PXDN: variants seen among roughly 807,000 people sequenced by gnomAD.
PXDN encodes the protein peroxidasin homolog.
Under a neutral mutation model 140.3 loss-of-function variants are expected in PXDN, and 77 were observed. The observed-to-expected ratio is 0.55, with a 90% CI of 0.46 to 0.66. The LOEUF (loss-of-function observed/expected upper bound fraction) is 0.66, where lower values mean the gene tolerates loss of function less well. PXDN is among the 30% of genes least tolerant of loss of function. PXDN has a pLI of 0.00. For missense variants in PXDN, 1,838 were observed against 2,039.5 expected, an observed-to-expected ratio of 0.90 and a Z score of 1.90; for synonymous variants, 911 against 857.4, an observed-to-expected ratio of 1.06 and a Z score of -1.09.
intron 1 of PXDN, among the ~76,000 whole-genome samples, chr2:1,719,353 C>T (rs1047639253): frequency 1.3e-5 from 2 of 152,190 alleles, no homozygotes; most frequent in Admixed American, 6.5e-5. Context: ...CCAGGCCCTC[C>T]TGGGTCTGTG....
chr2:1,662,632 A>G (rs1416768100), intron 12 of PXDN, among the ~76,000 whole-genome samples: 1 of 152,202 alleles, frequency 6.6e-6, no homozygotes, highest in Admixed American at 6.5e-5. Context: ...AAAGAGCAGG[A>G]GCGTGGCTGA....
intron 21 of PXDN, 122 bp from the exon 22 acceptor site, chr2:1,635,643 AT>A: frequency 1.2e-6 from 1 of 806,218 alleles, no homozygotes; most frequent in Non-Finnish European, 2.1e-6. Flanking sequence ...TGAGGGGAAT[AT>A]TTCTGAAGAA....
chr2:1,703,465 A>AACTCCAGGTGAAGGGGGGG (rs1684497384), intron 1 of PXDN, among the ~76,000 whole-genome samples: 2 of 16,820 alleles, frequency 1.2e-4, no homozygotes, highest in African/African-American at 6.1e-4. Flanking sequence ...TGAAGGAGAG[A>AACTCCAGGTGAAGGGGGGG]CAACTCCAGG....
chr2:1,710,004 C>T (rs1684714271), intron 1 of PXDN, among the ~76,000 whole-genome samples: 1 of 152,216 alleles, frequency 6.6e-6, no homozygotes, highest in Non-Finnish European at 1.5e-5. Flanking sequence ...GCAAACAGCA[C>T]ACACTGTCTC....
At chr2:1,744,727 T>C (rs1369269009), upstream of PXDN, 2 of 287,448 alleles carry the variant, frequency 7.0e-6, no homozygotes, top group Non-Finnish European at 1.3e-5. Flanking sequence ...AGGAGAGCAT[T>C]GGCACCCCTG....
chr2:1,658,880 G>A (rs1683237592), intron 14 of PXDN, among the ~76,000 whole-genome samples: 1 of 151,750 alleles, frequency 6.6e-6, no homozygotes, highest in Non-Finnish European at 1.5e-5. Context: ...GCAGGCGAGT[G>A]CTGACCACCT....
Position 1,635,537 on chromosome 2 carries a change from G to T in PXDN, c.4207-16C>A. ...GTTTCTTTATCTGCAGCAATGCAAA[G>T]AACATTCATTCATTGGGCACTTCAG... is the stretch of plus-strand genomic sequence containing the variant. On this transcript the variant is annotated splice_polypyrimidine_tract_variant and intron_variant, in intron 21 of 22. Transcript: ENST00000252804. 1 of 1,550,584 alleles carries T rather than the reference G, an allele frequency of 6.4e-7. No homozygotes were observed. The highest frequency in any genetic ancestry group is 8.8e-7 in the Non-Finnish European group (1 of 1,139,396).
chr2:1,738,929 C>T (rs10204174), intron 1 of PXDN, among the ~76,000 whole-genome samples: 110,952 of 152,094 alleles, frequency 0.73, 40,715 homozygotes, highest in East Asian at 0.95. Context: ...TGTTTACAGA[C>T]TTAATTTTGA....
Position 1,634,039 on chromosome 2 carries a change from G to T in PXDN, c.*165C>A. On this transcript the variant is annotated 3_prime_UTR_variant, in exon 23 of 23. Coordinates refer to ENST00000252804, the MANE Select transcript of PXDN (RefSeq NM_012293.3). ...TGCCTCCTTCTCCGCAGATGCTCTG[G>T]TTGGAAGCCTCCTGCACTGCCTTCT... 9.3e-7 allele frequency: 1 copy of T among 1,074,028 alleles called. No individual in the cohort carries two copies. Among genetic ancestry groups the T allele is most frequent in the Non-Finnish European group, 1.3e-6 (1 of 779,636 alleles). The allele number at this position is 1,074,028 out of a possible 1,614,324, so 66.5% of individuals were successfully genotyped here. A position where few individuals can be genotyped will look rare whatever the true frequency, so the allele number is the denominator to read the frequency against.
In PXDN at chr2:1,648,482, T is replaced by C; in HGVS notation, c.3298A>G (p.Lys1100Glu). ...ATCCGGAAGGGAGAGAAGAAAGCTT[T>C]GTGAAGGGGGAGGTGATCTTGTGCA... ...PIAQDHLPLH[K>E]AFFSPFRIVN... is the part of the protein sequence containing the mutation. The change falls in exon 17 of 23, where the codon AAA becomes GAA. Residue 1100 changes from lysine to glutamate, a missense_variant. Lys to Glu is a moderately conservative substitution (Grantham distance 56). This residue lies in a region of PXDN where 850 missense variants were observed against 894.1 expected (regional missense o/e 0.95). Transcript: ENST00000252804. The surrounding 1 kb of genome is among the most constrained non-coding windows in gnomAD (Gnocchi z 8.9). 6.2e-7 allele frequency: 1 copy of C among 1,611,482 alleles called. No individual in the cohort carries two copies. The highest frequency in any genetic ancestry group is 2.2e-5 in the East Asian group (1 of 44,862).
At chr2:1,677,382 G>A (rs986261566) in intron 7 of PXDN, among the ~76,000 whole-genome samples, 2 of 152,182 alleles carry the variant, frequency 1.3e-5, no homozygotes, top group African/African-American at 2.4e-5. Flanking sequence ...GATACGCCAC[G>A]GGTCGCTATT....
At chr2:1,671,416 T>A (rs1014868653) in intron 9 of PXDN, among the ~76,000 whole-genome samples, 2 of 152,152 alleles carry the variant, frequency 1.3e-5, no homozygotes, top group East Asian at 1.9e-4. Context: ...ATTTTTTTTT[T>A]AAATTTCTAG....
chr2:1,730,515 G>A (rs1436817928), intron 1 of PXDN, among the ~76,000 whole-genome samples: 1 of 152,190 alleles, frequency 6.6e-6, no homozygotes, highest in Non-Finnish European at 1.5e-5. Flanking sequence ...TAAACAGGAA[G>A]AGCCGGGGCT....
intron 1 of PXDN, among the ~76,000 whole-genome samples, chr2:1,723,154 C>A (rs570039667): frequency 6.8e-6 from 1 of 147,920 alleles, no homozygotes; most frequent in Admixed American, 6.7e-5. Flanking sequence ...GGATGGCTGA[C>A]TGGAAAATGG....
intron 1 of PXDN, among the ~76,000 whole-genome samples, chr2:1,730,317 G>A (rs918440408): frequency 1.3e-4 from 20 of 152,222 alleles, no homozygotes; most frequent in African/African-American, 4.6e-4. Flanking sequence ...ACAGCTTGTG[G>A]AGAAAAAGCT....
Position 1,639,021 on chromosome 2 carries a change from C to T in PXDN, c.4074-43G>A, listed in dbSNP as rs370071546. 1 of 1,606,244 alleles carries T rather than the reference C, an allele frequency of 6.2e-7. No homozygotes were observed. The highest frequency in any genetic ancestry group is 1.3e-5 in the African/African-American group (1 of 74,658). Reference sequence around the variant, plus strand: ...GAGGAGGAGGGAAATATAACCTTGGCAGGTCACGCCGGGTCTCATTTCAAG... The same window carrying T: ...GAGGAGGAGGGAAATATAACCTTGGTAGGTCACGCCGGGTCTCATTTCAAG... On this transcript the variant is annotated intron_variant, in intron 20 of 22. Transcript: ENST00000252804. The surrounding 1 kb of genome is among the most constrained non-coding windows in gnomAD (Gnocchi z 5.0).
At chr2:1,730,844 GCTGAAACCATT>G (rs1365050483) in intron 1 of PXDN, among the ~76,000 whole-genome samples, 1 of 151,780 alleles carries the variant, frequency 6.6e-6, no homozygotes, top group Non-Finnish European at 1.5e-5. Context: ...GGTTCCAGTC[GCTGAAACCATT>G]CTACCCTTAG....
intron 13 of PXDN, 84 bp from the exon 14 acceptor site, chr2:1,661,121 C>A: frequency 6.6e-7 from 1 of 1,512,560 alleles, no homozygotes; most frequent in Non-Finnish European, 9.0e-7. Flanking sequence ...GGAGGGGAGC[C>A]ATTTGTTAGG....
rs2288183 is a variant in PXDN at position 1,692,244 on chromosome 2, G to A, written c.273-245C>T. Among the ~76,000 whole-genome samples the A allele has an allele frequency of 0.67, 101,430 of 152,104 alleles. 34,441 individuals are homozygous for A. The highest frequency in any genetic ancestry group is 0.75 in the Admixed American group (11,446 of 15,296). On this transcript the variant is annotated intron_variant, in intron 2 of 22. Coordinates refer to ENST00000252804, the MANE Select transcript of PXDN (RefSeq NM_012293.3). The stretch of plus-strand genomic sequence containing the variant: ...CACAGTTACTACCTTTTGATACAGC[G>A]GAGAAAAAATTCCTTCTCTCCTATA...
Sources: allele counts gnomAD v4.1 joint callset (sites outside exome capture counted in the v4.1 genomes callset), GRCh38; gene constraint gnomAD v4.1.1; regional missense constraint gnomAD v4.1.1; non-coding constraint Gnocchi (gnomAD v3.1); transcripts MANE v1.5; gene names NCBI Gene and HGNC (gene_info 2026-07-23, HGNC 2026-07-21).